The following PCCA variants were observed in gnomAD, a reference collection of about 807,000 sequenced individuals.
PCCA encodes the protein propionyl-CoA carboxylase subunit alpha.
In PCCA, 74 loss-of-function variants were observed where a neutral mutation model predicts 101.3. The ratio of observed to expected loss-of-function variants is 0.73; its 90% CI spans 0.61 to 0.89. The LOEUF (loss-of-function observed/expected upper bound fraction) is 0.89. PCCA is among the 40% of genes least tolerant of loss of function. PCCA has a pLI of 0.00. For missense variants in PCCA, 891 were observed against 907.0 expected (o/e 0.98, Z 0.23); for synonymous variants, 294 against 313.6 (o/e 0.94, Z 0.66).
chr13:100,492,549 T>G (rs2084982753), intron 21 of PCCA, among the ~76,000 whole-genome samples: 1 of 151,704 alleles, frequency 6.6e-6, no homozygotes, highest in African/African-American at 2.4e-5. Flanking sequence ...CATCTTGATA[T>G]GGACAGGAGG....
intron 19 of PCCA, among the ~76,000 whole-genome samples, chr13:100,421,406 C>A (rs769219308): frequency 1.6e-4 from 25 of 152,080 alleles, no homozygotes; most frequent in Non-Finnish European, 3.5e-4. Context: ...TGATAGCACA[C>A]TGTATACACT....
chr13:100,118,254 C>A (rs531896241), intron 4 of PCCA, among the ~76,000 whole-genome samples: 1 of 151,962 alleles, frequency 6.6e-6, no homozygotes, highest in South Asian at 2.1e-4. Flanking sequence ...GAAAATAACT[C>A]ATTATTCTAT....
In PCCA at chr13:100,484,053, C is replaced by A. The variant is rs187433283; in HGVS notation, c.1900-31374C>A. ...TGGCCACTGTGCAGAGTAGGATAAC[C>A]TGCCTTCAAAGATTTTTGTTTCATG... On this transcript the variant is annotated intron_variant, in intron 21 of 23. Transcript: ENST00000376285. Among the ~76,000 whole-genome samples, 39 of 152,314 alleles carry A rather than the reference C, an allele frequency of 2.6e-4. No homozygotes were observed. The East Asian group carries it at 7.3e-3, about 29-fold the overall frequency.
Position 100,368,542 on chromosome 13 carries a change from G to A in PCCA, c.1714G>A (p.Val572Ile), listed in dbSNP as rs1265374507. The change falls in exon 19 of 24, where the codon GTA becomes ATA. Residue 572 changes from valine (V) to isoleucine (I), a missense_variant. Transcript: ENST00000376285. ...AAAATTGCATGATAAAGTTCATACC[G>A]TAGTAGCATCAAACAATGGGTCAGT... The part of the protein sequence containing the change: ...SVKLHDKVHT[V>I]VASNNGSVFS... 8 of 1,609,170 alleles carry A rather than the reference G, an allele frequency of 5.0e-6. No individual in the cohort carries two copies. Among genetic ancestry groups the A allele is most frequent in the Admixed American group, 3.3e-5 (2 of 59,870 alleles).
chr13:100,120,219 C>T (rs969836457), intron 4 of PCCA, among the ~76,000 whole-genome samples: 10 of 148,928 alleles, frequency 6.7e-5, no homozygotes, highest in African/African-American at 9.9e-5. Flanking sequence ...TACTCTGTTG[C>T]CCAGGCTGGA....
At chr13:100,123,331 A>T (rs1188099713) in intron 4 of PCCA, among the ~76,000 whole-genome samples, 1 of 152,220 alleles carries the variant, frequency 6.6e-6, no homozygotes, top group Admixed American at 6.5e-5. Flanking sequence ...CTGGGATTAC[A>T]GGCGTGAGCC....
chr13:100,523,992 T>C (rs966421344), intron 22 of PCCA, among the ~76,000 whole-genome samples: 8 of 152,220 alleles, frequency 5.3e-5, no homozygotes, highest in Non-Finnish European at 1.2e-4. Context: ...AATTAATGCT[T>C]GGCTTCCCAG....
At chr13:100,491,831 A>G (rs1283322680) in intron 21 of PCCA, 9 of 986,332 alleles carry the variant, frequency 9.1e-6, no homozygotes, top group Non-Finnish European at 1.2e-5. Context: ...TTTTTTCTCT[A>G]TTTTTTAAAA....
At chr13:100,304,070 G>A (rs180687686) in intron 14 of PCCA, among the ~76,000 whole-genome samples, 114 of 152,216 alleles carry the variant, frequency 7.5e-4, no homozygotes, top group Non-Finnish European at 1.0e-3. Context: ...TTTTGCCCTC[G>A]CAAGTTTTTG....
intron 18 of PCCA, among the ~76,000 whole-genome samples, chr13:100,341,130 G>A (rs1335779066): frequency 6.6e-6 from 1 of 152,180 alleles, no homozygotes; most frequent in Non-Finnish European, 1.5e-5. Context: ...AGAAAGAATA[G>A]GAAGCTTACA....
intron 21 of PCCA, among the ~76,000 whole-genome samples, chr13:100,483,149 T>C (rs1419882532): frequency 1.3e-5 from 2 of 152,218 alleles, no homozygotes; most frequent in South Asian, 2.1e-4. Flanking sequence ...AAGCCACGTT[T>C]TACTTTTATA....
intron 6 of PCCA, among the ~76,000 whole-genome samples, chr13:100,179,654 C>T (rs1174790154): frequency 2.0e-5 from 3 of 152,128 alleles, no homozygotes; most frequent in African/African-American, 7.2e-5. Context: ...TTGATTGGAT[C>T]AAGGATTAGT....
At chr13:100,346,701 G>A (rs1464113232) in intron 18 of PCCA, among the ~76,000 whole-genome samples, 1 of 152,158 alleles carries the variant, frequency 6.6e-6, no homozygotes, top group Non-Finnish European at 1.5e-5. Context: ...AACCTTTCAT[G>A]AGAGGAAGAA....
At chr13:100,293,446 A>G (rs1177607229) in intron 12 of PCCA, among the ~76,000 whole-genome samples, 1 of 152,232 alleles carries the variant, frequency 6.6e-6, no homozygotes, top group Non-Finnish European at 1.5e-5. Flanking sequence ...ACAATTAACT[A>G]TAATTGAACA....
intron 19 of PCCA, among the ~76,000 whole-genome samples, chr13:100,386,486 A>G (rs1010092864): frequency 6.6e-6 from 1 of 152,126 alleles, no homozygotes; most frequent in Admixed American, 6.5e-5. Flanking sequence ...GGTTCACACC[A>G]TTCTCCTGCC....
chr13:100,186,989 A>G (rs2057335613), intron 6 of PCCA, among the ~76,000 whole-genome samples: 1 of 152,232 alleles, frequency 6.6e-6, no homozygotes, highest in Non-Finnish European at 1.5e-5. Context: ...CATATGTAAC[A>G]TGTAGTAGCT....
chr13:100,256,892 T>A (rs1456785355), intron 8 of PCCA, among the ~76,000 whole-genome samples: 2 of 152,234 alleles, frequency 1.3e-5, no homozygotes, highest in Non-Finnish European at 2.9e-5. Context: ...TACTGTATAA[T>A]AACTAAATAC....
chr13:100,524,404 T>TGTGTGTGTG (rs2087565773), intron 22 of PCCA, among the ~76,000 whole-genome samples: 1 of 151,648 alleles, frequency 6.6e-6, no homozygotes, highest in African/African-American at 2.4e-5. Flanking sequence ...TGTGTGTGTG[T>TGTGTGTGTG]GTGTGTGTTG....
rs532779666 is a variant in PCCA at position 100,397,881 on chromosome 13, A to G, written c.1747-27752A>G. On this transcript the variant is annotated intron_variant, in intron 19 of 23. Coordinates refer to ENST00000376285, the MANE Select transcript of PCCA (RefSeq NM_000282.4). ...TTCTGTTGTAAATAACCATAGACAA[A>G]CTTGTGAGCAGCTACCAAATTCCCC... Among the ~76,000 whole-genome samples the G allele has an allele frequency of 6.6e-5, 10 of 152,274 alleles. No homozygotes were observed. In the South Asian group the frequency reaches 2.1e-3, roughly 32 times the overall value.
Sources: gnomAD v4.1 joint callset for allele counts (sites outside exome capture counted in the v4.1 genomes callset) on GRCh38, gnomAD v4.1.1 for gene constraint, MANE v1.5 for transcripts, NCBI Gene and HGNC (gene_info 2026-07-23, HGNC 2026-07-21) for gene names.